NELL1: variants seen among roughly 807,000 people sequenced by gnomAD.
The protein encoded by NELL1 is neural EGFL like 1.
Under a neutral mutation model 107.4 loss-of-function variants are expected in NELL1, and 76 were observed. The observed-to-expected ratio is 0.71, with a 90% CI of 0.59 to 0.86. NELL1 has a LOEUF of 0.86. Ranked by LOEUF, NELL1 falls within the 40% of genes least tolerant of loss-of-function variation. The pLI, the probability that NELL1 is intolerant of heterozygous loss-of-function variation, is 0.00. For synonymous variants in NELL1, 353 were observed against 341.2 expected (o/e 1.03, Z -0.38); for missense variants, 1,024 against 1,005.5 (o/e 1.02, Z -0.25).
At chr11:20,706,793 C>G (rs1854972885) in intron 2 of NELL1, among the ~76,000 whole-genome samples, 2 of 152,152 alleles carry the variant, frequency 1.3e-5, no homozygotes, top group South Asian at 4.1e-4. Flanking sequence ...CAACCTTTCT[C>G]TCTGGCTGTC....
At chr11:21,137,775 G>C (rs1055797960) in intron 13 of NELL1, among the ~76,000 whole-genome samples, 1 of 152,160 alleles carries the variant, frequency 6.6e-6, no homozygotes, top group Non-Finnish European at 1.5e-5. Context: ...TTTCTTCTTA[G>C]GCTAGAAGGA....
chr11:21,493,552 G>GAGAT (rs1340427920), intron 15 of NELL1, among the ~76,000 whole-genome samples: 1 of 151,836 alleles, frequency 6.6e-6, no homozygotes, highest in Non-Finnish European at 1.5e-5. Context: ...TGATCTTCTG[G>GAGAT]AGATAGAGTA....
chr11:20,975,097 C>T (rs2134234731), intron 12 of NELL1, among the ~76,000 whole-genome samples: 1 of 152,256 alleles, frequency 6.6e-6, no homozygotes, highest in Admixed American at 6.5e-5. Flanking sequence ...CAAACTCCAC[C>T]TCCCAGGTTC....
chr11:21,355,499 A>G (rs192104501), intron 14 of NELL1, among the ~76,000 whole-genome samples: 85 of 152,324 alleles, frequency 5.6e-4, no homozygotes, highest in Admixed American at 1.4e-3. Flanking sequence ...CTTCATAGAG[A>G]TTAAGCAATT....
intron 13 of NELL1, among the ~76,000 whole-genome samples, chr11:21,192,033 T>A (rs548697557): frequency 6.6e-6 from 1 of 151,994 alleles, no homozygotes; most frequent in African/African-American, 2.4e-5. Flanking sequence ...TTAATTCCAA[T>A]GACTGGTACT....
At chr11:21,297,680 G>C (rs1333864126) in intron 14 of NELL1, among the ~76,000 whole-genome samples, 2 of 152,012 alleles carry the variant, frequency 1.3e-5, no homozygotes, top group Non-Finnish European at 2.9e-5. Flanking sequence ...TGAGACTGCA[G>C]CTCTGAAAAT....
chr11:20,669,560 T>C, upstream of NELL1: 1 of 357,836 alleles, frequency 2.8e-6, no homozygotes, highest in Non-Finnish European at 5.1e-6. This position sits in a 1 kb window ranked among gnomAD's most constrained non-coding sequence, Gnocchi z 4.4. Context: ...CGGGGCTGCC[T>C]TCCCGGGCGC....
chr11:20,779,052 T>C (rs568079330), intron 2 of NELL1, among the ~76,000 whole-genome samples: 3 of 152,168 alleles, frequency 2.0e-5, no homozygotes, highest in African/African-American at 7.2e-5. Flanking sequence ...GCTCAGCAAA[T>C]GGGAGGTTTC....
intron 15 of NELL1, among the ~76,000 whole-genome samples, chr11:21,413,002 G>A (rs1328057050): frequency 6.6e-6 from 1 of 152,104 alleles, no homozygotes; most frequent in Non-Finnish European, 1.5e-5. Context: ...TAGTCTCAAC[G>A]ACATGTATGG....
In NELL1 at chr11:21,023,960, C is replaced by A. The variant is rs1357153358; in HGVS notation, c.1300+63400C>A. On this transcript the variant is annotated intron_variant, in intron 12 of 19. Transcript: ENST00000357134. ...ATTGCAGTGTTGCATAGAAACTATT[C>A]TACCAAAACAGATGCAAATGTTTCT... 5.3e-5 allele frequency among the ~76,000 whole-genome samples: 8 copies of A among 152,200 alleles called. No individual in the cohort carries two copies. In the East Asian group the frequency reaches 1.4e-3, roughly 26 times the overall value.
intron 14 of NELL1, among the ~76,000 whole-genome samples, chr11:21,345,876 C>T (rs750423015): frequency 6.6e-6 from 1 of 152,182 alleles, no homozygotes; most frequent in Non-Finnish European, 1.5e-5. Context: ...ACCTTCATAT[C>T]AGCTTTTACC....
chr11:21,506,728 C>A (rs1033509767), intron 15 of NELL1, among the ~76,000 whole-genome samples: 1 of 152,180 alleles, frequency 6.6e-6, no homozygotes, highest in Non-Finnish European at 1.5e-5. Flanking sequence ...AGCTATTAGG[C>A]CCACTCTAAT....
At chr11:21,242,999 T>A (rs1211905048) in intron 14 of NELL1, among the ~76,000 whole-genome samples, 1 of 152,144 alleles carries the variant, frequency 6.6e-6, no homozygotes, top group East Asian at 1.9e-4. Flanking sequence ...TTGTTAGTGA[T>A]CATTTTTCCC....
At chr11:21,302,390 G>A (rs1849511671) in intron 14 of NELL1, among the ~76,000 whole-genome samples, 2 of 151,974 alleles carry the variant, frequency 1.3e-5, no homozygotes, top group African/African-American at 4.8e-5. Context: ...TTCTGACAAG[G>A]AAGCTTCCAG....
At chr11:21,549,865 A>G (rs1375591389) in intron 16 of NELL1, among the ~76,000 whole-genome samples, 2 of 151,890 alleles carry the variant, frequency 1.3e-5, no homozygotes, top group African/African-American at 2.4e-5. Flanking sequence ...GTAAACAGAA[A>G]TGAACTTCAA....
intron 12 of NELL1, among the ~76,000 whole-genome samples, chr11:20,976,856 G>C (rs1393336447): frequency 1.3e-5 from 2 of 151,714 alleles, no homozygotes; most frequent in Non-Finnish European, 2.9e-5. Flanking sequence ...TTTTTTTTAT[G>C]GTAACTGTAG....
chr11:20,984,590 A>G (rs1851814629), intron 12 of NELL1, among the ~76,000 whole-genome samples: 1 of 152,020 alleles, frequency 6.6e-6, no homozygotes, highest in Admixed American at 6.6e-5. Context: ...AATGTTGGGA[A>G]GCTCTTTCTT....
intron 12 of NELL1, among the ~76,000 whole-genome samples, chr11:21,061,413 G>T (rs893554473): frequency 3.9e-5 from 6 of 152,104 alleles, no homozygotes; most frequent in African/African-American, 1.4e-4. Flanking sequence ...AACTTTGAAG[G>T]GTACACAGGA....
At chr11:21,306,347 T>A (rs111694532) in intron 14 of NELL1, among the ~76,000 whole-genome samples, 1,845 of 152,094 alleles carry the variant, frequency 0.012, 35 homozygotes, top group African/African-American at 0.042. Context: ...GTGCTCCCAA[T>A]AAATCATGTT....
Sources: allele counts gnomAD v4.1 joint callset (sites outside exome capture counted in the v4.1 genomes callset), GRCh38; gene constraint gnomAD v4.1.1; non-coding constraint Gnocchi (gnomAD v3.1); transcripts MANE v1.5; gene names NCBI Gene and HGNC (gene_info 2026-07-23, HGNC 2026-07-21).